Variants in SYTL2 observed in about 807,000 individuals in gnomAD.
The protein encoded by SYTL2 is synaptotagmin like 2.
A neutral mutation model predicts 198.7 loss-of-function variants in SYTL2; 165 were observed. That is an observed-to-expected ratio of 0.83 (90% CI 0.73 to 0.94). SYTL2 has a LOEUF of 0.94. Among genes scored for constraint, SYTL2 ranks in the 40% least tolerant of loss-of-function variants. The pLI is 0.00. For synonymous variants in SYTL2, 966 were observed against 917.7 expected, an observed-to-expected ratio of 1.05 and a Z score of -0.95; for missense variants, 2,835 against 2,582.8, an observed-to-expected ratio of 1.10 and a Z score of -2.12.
At chr11:85,840,371 T>C in the SYTL2 span, among the ~76,000 whole-genome samples, 3 of 152,208 alleles carry the variant, frequency 2.0e-5, no homozygotes, top group Non-Finnish European at 4.4e-5. Context: ...CCCAGTCCAA[T>C]GTTCTGGAGA....
Position 85,726,579 on chromosome 11 carries a change from T to A in SYTL2, c.2779A>T (p.Thr927Ser), listed in dbSNP as rs1165317974. The change falls in exon 8 of 20, where the codon ACT becomes TCT. Residue 927 changes from threonine to serine, a missense_variant. By Grantham distance (58) the Thr-to-Ser change is moderately conservative. Coordinates refer to ENST00000359152, the MANE Select transcript of SYTL2 (RefSeq NM_206927.4). ...GAGGGAGGTTGCAGTGCTGGTAAAG[T>A]AATGTTTCTTCTAGAAGGCAAACTG... is the stretch of plus-strand genomic sequence containing the variant. Reference protein sequence around the residue: ...ADSLPSRRNITLPALQPPSNV... With the variant: ...ADSLPSRRNISLPALQPPSNV... 4 of 1,577,950 alleles carry A rather than the reference T, an allele frequency of 2.5e-6. No homozygotes were observed. The highest frequency in any genetic ancestry group is 3.4e-6 in the Non-Finnish European group (4 of 1,167,394).
At position 85,726,921 on chromosome 11, in the gene SYTL2, G is replaced by C. The variant is rs1356940523; in HGVS notation, c.2437C>G (p.Pro813Ala). Residue 813 changes from proline to alanine, a missense_variant, in exon 8 of 20, where the codon CCC becomes GCC. This residue lies in a region of SYTL2 where 2,645 missense variants were observed against 2,381.7 expected (regional missense o/e 1.11). Transcript: ENST00000359152. ...TGTTCCTGGCTACATGAAGATGTGG[G>C]TTTTTCATGAGTTATCTTAGCACCA... ...KAGAKITHEK[P>A]TSSCSQEQPS... The C allele has an allele frequency of 6.5e-7, 1 of 1,536,472 alleles. No individual in the cohort carries two copies. Among genetic ancestry groups the C allele is most frequent in the South Asian group, 1.2e-5 (1 of 83,976 alleles).
At chr11:85,777,647 C>T (rs111514559) in intron 1 of SYTL2, among the ~76,000 whole-genome samples, 1 of 150,330 alleles carries the variant, frequency 6.7e-6, no homozygotes, top group Non-Finnish European at 1.5e-5. Flanking sequence ...CAACCCACAC[C>T]CCCTGCCAAA....
At position 85,714,524 on chromosome 11, in the gene SYTL2, C is replaced by T. The variant is rs1166334302; in HGVS notation, c.5531-17G>A. The T allele has an allele frequency of 6.2e-7, 1 of 1,603,340 alleles. No homozygotes were observed. The highest frequency in any genetic ancestry group is 2.2e-5 in the East Asian group (1 of 44,778). On this transcript the variant is annotated splice_polypyrimidine_tract_variant and intron_variant, in intron 11 of 19. Transcript: ENST00000359152. The stretch of plus-strand genomic sequence containing the variant: ...CTGTGGAAACTAAACAGCAGCATTT[C>T]CATTTCAAAATTATTCTTACAATTG...
chr11:85,695,137 C>A lies in SYTL2; in HGVS notation c.*58G>T. 1 of 1,540,714 alleles carries A rather than the reference C, an allele frequency of 6.5e-7. No individual in the cohort carries two copies. The highest frequency in any genetic ancestry group is 8.8e-7 in the Non-Finnish European group (1 of 1,135,724). On this transcript the variant is annotated 3_prime_UTR_variant, in exon 20 of 20. Transcript: ENST00000359152. ...ATATTTGTCCACCTACTCAGATTTT[C>A]AAGATCAGATTCCACCGGTTTAGTA...
chr11:85,727,427 C>T lies in SYTL2; in HGVS notation c.1931G>A (p.Ser644Asn). 6.5e-7 allele frequency: 1 copy of T among 1,536,264 alleles called. No individual in the cohort carries two copies. Among genetic ancestry groups the T allele is most frequent in the Non-Finnish European group, 8.7e-7 (1 of 1,146,920 alleles). Residue 644 changes from serine (S) to asparagine (N), a missense_variant, in exon 8 of 20, where the codon AGT becomes AAT. By Grantham distance (46) the Ser-to-Asn change is conservative. Coordinates refer to ENST00000359152, the MANE Select transcript of SYTL2 (RefSeq NM_206927.4). ...FESYGTPSQG[S>N]KNMDYSQDSK... ...ATCTTGGCTATAGTCCATATTTTTA[C>T]TCCCTTGACTTGGGGTGCCATAGCT...
chr11:85,725,910 G>T lies in SYTL2; in HGVS notation c.3448C>A (p.Pro1150Thr). The part of the protein sequence containing the change: ...LSETSTPAIQ[P>T]SGGKVHGKQV... The stretch of plus-strand genomic sequence containing the variant: ...TTTCCATGAACTTTTCCACCAGAGG[G>T]TTGAATTGCTGGTGTTGAGGTTTCT... The change falls in exon 8 of 20, where the codon CCC becomes ACC. Residue 1150 changes from proline to threonine, a missense_variant. Transcript: ENST00000359152. 1 of 1,614,042 alleles carries T rather than the reference G, an allele frequency of 6.2e-7. No homozygotes were observed. The highest frequency in any genetic ancestry group is 8.5e-7 in the Non-Finnish European group (1 of 1,179,984).
chr11:85,777,630 C>T (rs549609415), intron 1 of SYTL2, among the ~76,000 whole-genome samples: 2 of 148,844 alleles, frequency 1.3e-5, no homozygotes, highest in East Asian at 2.0e-4. Context: ...GGGATTTAAT[C>T]CCCCCCCAAC....
intron 1 of SYTL2, among the ~76,000 whole-genome samples, chr11:85,778,269 C>T (rs2092493763): frequency 6.6e-6 from 1 of 152,172 alleles, no homozygotes; most frequent in African/African-American, 2.4e-5. Flanking sequence ...AACAATCCTC[C>T]CTCACCCTTA....
chr11:85,785,639 A>T (rs535680611), intron 1 of SYTL2, among the ~76,000 whole-genome samples: 15 of 152,018 alleles, frequency 9.9e-5, no homozygotes, highest in Non-Finnish European at 1.8e-4. Flanking sequence ...AAGAAGGTAT[A>T]CTCCCCAAGT....
the SYTL2 span, among the ~76,000 whole-genome samples, chr11:85,850,824 C>T: frequency 2.1e-4 from 32 of 150,014 alleles, no homozygotes; most frequent in East Asian, 2.9e-3. Context: ...GGCACATATA[C>T]ACCATGGAAT....
At chr11:85,699,772 G>C (rs2083975637) in intron 17 of SYTL2, among the ~76,000 whole-genome samples, 1 of 152,164 alleles carries the variant, frequency 6.6e-6, no homozygotes, top group South Asian at 2.1e-4. Flanking sequence ...TTGGGAAATG[G>C]AGCAAGGAGC....
At chr11:85,732,185 G>A (rs987158764) in intron 7 of SYTL2, among the ~76,000 whole-genome samples, 2 of 152,164 alleles carry the variant, frequency 1.3e-5, no homozygotes, top group African/African-American at 4.8e-5. Flanking sequence ...ACAGTGTGGT[G>A]ATTCCTCAAG....
At chr11:85,785,984 A>G (rs1262197733) in intron 1 of SYTL2, among the ~76,000 whole-genome samples, 1 of 152,234 alleles carries the variant, frequency 6.6e-6, no homozygotes, top group African/African-American at 2.4e-5. Context: ...TGTAATAGCC[A>G]AAAATTAGAA....
chr11:85,792,208 C>T (rs537241251), intron 1 of SYTL2, among the ~76,000 whole-genome samples: 1 of 152,080 alleles, frequency 6.6e-6, no homozygotes, highest in South Asian at 2.1e-4. Flanking sequence ...ACCATGACAC[C>T]AACCCAGCCT....
At chr11:85,696,131 T>C (rs2083369324) in intron 19 of SYTL2, 52 bp downstream of exon 19, 20 of 1,480,786 alleles carry the variant, frequency 1.4e-5, no homozygotes, top group Admixed American at 3.4e-5. Context: ...AAACCTCTAG[T>C]ATCTCTAGAA....
At position 85,753,403 on chromosome 11, in the gene SYTL2, T is replaced by C. The variant is rs993292501; in HGVS notation, c.101+4222A>G. Among the ~76,000 whole-genome samples, 2 of 152,048 alleles carry C rather than the reference T, an allele frequency of 1.3e-5. 1 individual carries two copies. The highest frequency in any genetic ancestry group is 2.9e-5 in the Non-Finnish European group (2 of 68,008). ...GTCCAGTACTTGTGGCTACAGGTAG[T>C]GGAGCAACATAAAAGACAGTGTGGT... On this transcript the variant is annotated intron_variant, in intron 2 of 19. Coordinates refer to ENST00000359152, the MANE Select transcript of SYTL2 (RefSeq NM_206927.4).
intron 1 of SYTL2, among the ~76,000 whole-genome samples, chr11:85,799,031 T>C (rs1429096017): frequency 6.6e-6 from 1 of 152,220 alleles, no homozygotes; most frequent in Non-Finnish European, 1.5e-5. Context: ...ACACCCACTA[T>C]GTTAATTCTT....
intron 18 of SYTL2, among the ~76,000 whole-genome samples, chr11:85,697,331 C>CGG (rs2083549019): frequency 6.6e-6 from 1 of 152,128 alleles, no homozygotes; most frequent in African/African-American, 2.4e-5. Flanking sequence ...TGAGACACCT[C>CGG]GCTGTACCAG....
Sources: allele counts gnomAD v4.1 joint callset (sites outside exome capture counted in the v4.1 genomes callset), GRCh38; gene constraint gnomAD v4.1.1; regional missense constraint gnomAD v4.1.1; transcripts MANE v1.5; gene names NCBI Gene and HGNC (gene_info 2026-07-23, HGNC 2026-07-21).